Variants in FREM1 observed in about 807,000 individuals in gnomAD.
FREM1 encodes the protein FRAS1 related extracellular matrix 1.
In FREM1, 220 loss-of-function variants were observed where a neutral mutation model predicts 210.1. The observed-to-expected ratio is 1.05, with a 90% CI of 0.94 to 1.17. The LOEUF is 1.17. FREM1 is among the 50% of genes most tolerant of loss of function. FREM1 has a pLI of 0.00. For missense variants in FREM1, 3,454 were observed against 2,675.5 expected, an observed-to-expected ratio of 1.29 and a Z score of -6.42; for synonymous variants, 1,189 against 980.2, an observed-to-expected ratio of 1.21 and a Z score of -3.98.
At chr9:14,805,529 A>AG (rs1818198621) in intron 18 of FREM1, among the ~76,000 whole-genome samples, 1 of 152,242 alleles carries the variant, frequency 6.6e-6, no homozygotes. Context: ...CACCTCCGTC[A>AG]CGTAAACGCA....
chr9:14,806,652 A>G lies in FREM1; in HGVS notation c.3274+9T>C. On this transcript the variant is annotated intron_variant, in intron 18 of 36. Transcript: ENST00000380880. ...GGGAGTCATTGCTGGTGACGAAGCT[A>G]CAGCTTACCTATACTTATGCCAATA... 6.6e-7 allele frequency: 1 copy of G among 1,515,228 alleles called. No homozygotes were observed. The highest frequency in any genetic ancestry group is 9.1e-7 in the Non-Finnish European group (1 of 1,099,924). The allele number at this position is 1,515,228 out of a possible 1,614,324, so 93.9% of individuals were successfully genotyped here.
rs201794363 is a variant in FREM1, at chr9:14,861,276, T to C, written c.330-1792A>G. On this transcript the variant is annotated intron_variant, in intron 3 of 36. Transcript: ENST00000380880. ...ACATATATACACATATACACATATA[T>C]ACATATATACATATATACATATATA... 1.3e-4 allele frequency among the ~76,000 whole-genome samples: 12 copies of C among 90,024 alleles called. 1 individual carries two copies. The East Asian group carries it at 3.0e-3, about 23-fold the overall frequency. 59.1% of individuals were successfully genotyped at this position (90,024 alleles called of 152,430 possible). A position where few individuals can be genotyped will look rare whatever the true frequency, so the allele number is the denominator to read the frequency against.
intron 23 of FREM1, among the ~76,000 whole-genome samples, chr9:14,784,983 C>A (rs1850186858): frequency 6.6e-6 from 1 of 152,180 alleles, no homozygotes; most frequent in African/African-American, 2.4e-5. Context: ...GAGAGTCTTG[C>A]ATACAATTTT....
intron 24 of FREM1, among the ~76,000 whole-genome samples, chr9:14,776,538 A>G (rs1188153928): frequency 6.6e-6 from 1 of 152,062 alleles, no homozygotes; most frequent in Non-Finnish European, 1.5e-5. Flanking sequence ...ATCCAATGAG[A>G]CTCATCATAC....
rs1339135504 is a variant in FREM1, at chr9:14,769,878, G to C, written c.5060-10C>G. 1.5e-6 allele frequency: 2 copies of C among 1,339,516 alleles called. No homozygotes were observed. Among genetic ancestry groups the C allele is most frequent in the Non-Finnish European group, 2.1e-6 (2 of 960,716 alleles). 83.0% of individuals were successfully genotyped at this position (1,339,516 alleles called of 1,614,324 possible). A position where few individuals can be genotyped will look rare whatever the true frequency, so the allele number is the denominator to read the frequency against. ...TCATGGATAAATTCACCTAAAAAAA[G>C]AAATAAATGAATATCATGGGTAATC... is the stretch of plus-strand genomic sequence containing the variant. On this transcript the variant is annotated splice_polypyrimidine_tract_variant and intron_variant, in intron 26 of 36. Transcript: ENST00000380880.
At chr9:14,828,725 T>G (rs529687751) in intron 10 of FREM1, among the ~76,000 whole-genome samples, 1 of 152,064 alleles carries the variant, frequency 6.6e-6, no homozygotes, top group East Asian at 1.9e-4. Flanking sequence ...ATTTCTAAAT[T>G]AGTCATTTAT....
intron 2 of FREM1, among the ~76,000 whole-genome samples, chr9:14,866,329 C>A (rs1170193020): frequency 6.6e-6 from 1 of 152,102 alleles, no homozygotes; most frequent in Non-Finnish European, 1.5e-5. Context: ...TTTTGCTCCT[C>A]AGTGCCTTGG....
rs753814072 is a variant in FREM1 at position 14,805,072 on chromosome 9, C to A, written c.3355G>T (p.Asp1119Tyr). 1.2e-6 allele frequency: 2 copies of A among 1,612,856 alleles called. No individual in the cohort carries two copies. The highest frequency in any genetic ancestry group is 1.7e-6 in the Non-Finnish European group (2 of 1,179,000). The change falls in exon 19 of 37, where the codon GAC (aspartate) becomes TAC (tyrosine). Residue 1119 changes from aspartate to tyrosine, a missense_variant. Transcript: ENST00000380880. ...SRHLRIEPTA[D>Y]QFTVYVTDGK... is the part of the protein sequence containing the mutation. Reference sequence around the variant, plus strand: ...TCTGTGACGTACACCGTGAACTGGTCGGCAGTTGGTTCTATCCTCAGATGC... The same window carrying A: ...TCTGTGACGTACACCGTGAACTGGTAGGCAGTTGGTTCTATCCTCAGATGC...
chr9:14,867,996 A>G (rs1831862886), intron 2 of FREM1, among the ~76,000 whole-genome samples: 1 of 152,178 alleles, frequency 6.6e-6, no homozygotes, highest in Non-Finnish European at 1.5e-5. Flanking sequence ...TTAAATATAA[A>G]GGTCTCCAAG....
intron 1 of FREM1, among the ~76,000 whole-genome samples, chr9:14,892,245 C>G (rs1416011195): frequency 6.6e-6 from 1 of 152,136 alleles, no homozygotes; most frequent in African/African-American, 2.4e-5. Context: ...CATTATTCTG[C>G]AAACCCCAAA....
intron 15 of FREM1, among the ~76,000 whole-genome samples, chr9:14,815,981 G>T (rs1299936443): frequency 6.6e-6 from 1 of 151,994 alleles, no homozygotes; most frequent in Non-Finnish European, 1.5e-5. Context: ...TTTTTCATTT[G>T]TCAAGAGGGG....
intron 18 of FREM1, 134 bp downstream of exon 18, chr9:14,806,527 T>C: frequency 1.6e-6 from 1 of 629,166 alleles, no homozygotes; most frequent in Non-Finnish European, 2.8e-6. Context: ...GTGCTGGGAT[T>C]ACAGGCATCA....
chr9:14,824,982 A>G lies in FREM1; in HGVS notation c.1892T>C (p.Ile631Thr). Residue 631 changes from isoleucine to threonine, a missense_variant, in exon 11 of 37, where the codon ATC becomes ACC. By Grantham distance (89) the Ile-to-Thr change is moderately conservative (BLOSUM62 -1). Transcript: ENST00000380880. ...CTGGTCATCCACTGGAGTTATATGG[A>G]TTGTTGCCACCTGGAATAAAAATGT... ...PNLSVPQVAT[I>T]HITPVDDQLP... 6.3e-7 allele frequency: 1 copy of G among 1,576,806 alleles called. No homozygotes were observed. The highest frequency in any genetic ancestry group is 8.5e-7 in the Non-Finnish European group (1 of 1,170,486).
intron 1 of FREM1, among the ~76,000 whole-genome samples, chr9:14,880,975 A>C (rs970776874): frequency 1.3e-5 from 2 of 152,204 alleles, no homozygotes; most frequent in Non-Finnish European, 2.9e-5. Context: ...GTGGCAATCC[A>C]CCTATTAATT....
rs1818201538 is a variant in FREM1, at chr9:14,908,606, G to A, written c.-268+1308C>T. Among the ~76,000 whole-genome samples the A allele has an allele frequency of 1.3e-5, 2 of 152,134 alleles. 1 individual carries two copies. Among genetic ancestry groups the A allele is most frequent in the South Asian group, 4.1e-4 (2 of 4,828 alleles). On this transcript the variant is annotated intron_variant, in intron 1 of 36. Coordinates refer to ENST00000380880, the MANE Select transcript of FREM1 (RefSeq NM_001379081.2). ...CTGATTAAAAAGCCCTGGTTTGCCA[G>A]CCAAGCATGCAAAACCATGTTGCAC...
intron 3 of FREM1, among the ~76,000 whole-genome samples, chr9:14,862,447 C>G (rs1282206504): frequency 6.6e-6 from 1 of 152,148 alleles, no homozygotes; most frequent in Non-Finnish European, 1.5e-5. Flanking sequence ...TTCTCAGTGA[C>G]TTTTATGAAG....
intron 34 of FREM1, among the ~76,000 whole-genome samples, 161 bp from the exon 35 acceptor site, chr9:14,746,629 G>A (rs1185013823): frequency 6.6e-6 from 1 of 152,152 alleles, no homozygotes; most frequent in Non-Finnish European, 1.5e-5. Flanking sequence ...AAATACAATG[G>A]CTTCTTACAG....
chr9:14,819,309 C>T lies in FREM1; in HGVS notation c.2471G>A (p.Arg824Lys). The change falls in exon 14 of 37, where the codon AGG becomes AAG. Residue 824 changes from arginine (R) to lysine (K), a missense_variant. Transcript: ENST00000380880. ...TAGAGGAAATCCATTCAGCTCCACCCTTCCGTGCAGAGGCAATTCCCGCAG... is the reference window on the plus strand; with the variant it reads ...TAGAGGAAATCCATTCAGCTCCACCTTTCCGTGCAGAGGCAATTCCCGCAG... ...LSLRELPLHG[R>K]VELNGFPLNS... 6.2e-7 allele frequency: 1 copy of T among 1,614,000 alleles called. No individual in the cohort carries two copies. Among genetic ancestry groups the T allele is most frequent in the South Asian group, 1.1e-5 (1 of 91,086 alleles).
intron 1 of FREM1, among the ~76,000 whole-genome samples, chr9:14,877,152 A>G (rs140521405): frequency 6.6e-6 from 1 of 152,154 alleles, no homozygotes; most frequent in East Asian, 1.9e-4. Flanking sequence ...ATCTACACTC[A>G]TTCCTTAGTG....
Sources: gnomAD v4.1 joint callset for allele counts (sites outside exome capture counted in the v4.1 genomes callset) on GRCh38, gnomAD v4.1.1 for gene constraint, MANE v1.5 for transcripts, NCBI Gene and HGNC (gene_info 2026-07-23, HGNC 2026-07-21) for gene names.